TRIM44: variants seen among roughly 807,000 people sequenced by gnomAD.
TRIM44 encodes tripartite motif containing 44, also known as tripartite motif-containing protein 44.
In TRIM44, 13 loss-of-function variants were observed where a neutral mutation model predicts 37.4. The ratio of observed to expected loss-of-function variants is 0.35; its 90% CI spans 0.23 to 0.55. TRIM44 has a LOEUF of 0.55. TRIM44 is among the 20% of genes least tolerant of loss of function. The pLI, the probability that TRIM44 is intolerant of heterozygous loss-of-function variation, is 0.89. For missense variants in TRIM44, 426 were observed against 437.2 expected (o/e 0.97, Z 0.23); for synonymous variants, 175 against 157.2 (o/e 1.11, Z -0.85).
At chr11:35,773,725 G>A (rs912833316) in intron 4 of TRIM44, among the ~76,000 whole-genome samples, 1 of 152,052 alleles carries the variant, frequency 6.6e-6, no homozygotes, top group African/African-American at 2.4e-5. Flanking sequence ...TGCGGTGTTT[G>A]GTTTTCTGTC....
intron 4 of TRIM44, among the ~76,000 whole-genome samples, chr11:35,752,817 G>A (rs1446968267): frequency 6.6e-6 from 1 of 152,130 alleles, no homozygotes; most frequent in African/African-American, 2.4e-5. Flanking sequence ...CTTCATCCAG[G>A]TGTCTGCTGA....
At chr11:35,806,292 C>A in intron 4 of TRIM44, 66 bp from the exon 5 acceptor site, 1 of 1,564,710 alleles carries the variant, frequency 6.4e-7, no homozygotes, top group Non-Finnish European at 8.8e-7. Flanking sequence ...TGCTATCAAC[C>A]AGTAGACTAG....
chr11:35,688,186 T>C (rs1171750035), intron 2 of TRIM44, among the ~76,000 whole-genome samples: 1 of 152,236 alleles, frequency 6.6e-6, no homozygotes, highest in Non-Finnish European at 1.5e-5. Flanking sequence ...TGTCATTTCC[T>C]GGGCACAGAG....
At position 35,817,784 on chromosome 11, in the gene TRIM44, T is replaced by C. The variant is rs1348587501; in HGVS notation, c.*11399T>C. ...TCATGATTTAACAACATCCGCCCTT[T>C]GTTGTCATGATAGTGAGTTCTTGTG... On this transcript the variant is annotated 3_prime_UTR_variant, in exon 5 of 5. Transcript: ENST00000299413. The C allele has an allele frequency of 3.9e-5, 6 of 152,186 alleles. No homozygotes were observed. Among genetic ancestry groups the C allele is most frequent in the Non-Finnish European group, 5.9e-5 (4 of 68,036 alleles). The allele number at this position is 152,186 out of a possible 1,614,324, so 9.4% of individuals were successfully genotyped here.
At chr11:35,711,567 T>C (rs558555811) in intron 2 of TRIM44, among the ~76,000 whole-genome samples, 1 of 151,892 alleles carries the variant, frequency 6.6e-6, no homozygotes, top group South Asian at 2.1e-4. Flanking sequence ...GTTGAGTACA[T>C]TAAGGAGACC....
chr11:35,703,285 T>G (rs1404939313), intron 2 of TRIM44, among the ~76,000 whole-genome samples: 1 of 152,196 alleles, frequency 6.6e-6, no homozygotes, highest in Non-Finnish European at 1.5e-5. Context: ...CCACCACAGC[T>G]CAAGGAGGCC....
intron 4 of TRIM44, among the ~76,000 whole-genome samples, chr11:35,794,222 C>T (rs591101): frequency 0.57 from 87,191 of 152,002 alleles, 26,301 homozygotes; most frequent in South Asian, 0.72. Flanking sequence ...AGTATCCCCT[C>T]ACCTCTATCT....
intron 4 of TRIM44, among the ~76,000 whole-genome samples, chr11:35,784,037 C>T (rs1283727328): frequency 6.6e-6 from 1 of 152,120 alleles, no homozygotes; most frequent in Non-Finnish European, 1.5e-5. Flanking sequence ...AGACAGAGGC[C>T]TACTGGGGAG....
intron 2 of TRIM44, among the ~76,000 whole-genome samples, chr11:35,702,748 G>C (rs190747160): frequency 5.3e-5 from 8 of 152,304 alleles, no homozygotes; most frequent in African/African-American, 1.7e-4. Context: ...ATTAATAGAC[G>C]ATACAATAGT....
chr11:35,723,601 A>G (rs999711741), intron 2 of TRIM44, among the ~76,000 whole-genome samples: 3 of 152,202 alleles, frequency 2.0e-5, no homozygotes, highest in African/African-American at 7.2e-5. Context: ...ACCCTATGTA[A>G]TTAAAGCCAT....
chr11:35,699,275 C>T (rs1851748968), intron 2 of TRIM44, among the ~76,000 whole-genome samples: 1 of 152,066 alleles, frequency 6.6e-6, no homozygotes, highest in Admixed American at 6.6e-5. Flanking sequence ...GGCTTCATCC[C>T]TGGGATGCAA....
Position 35,806,584 on chromosome 11 carries a change from G to T in TRIM44, c.*199G>T. On this transcript the variant is annotated 3_prime_UTR_variant, in exon 5 of 5. Coordinates refer to ENST00000299413, the MANE Select transcript of TRIM44 (RefSeq NM_017583.6). ...CTTACTGTGTGCTTCTCATCCCCTG[G>T]TTGTGGTAGGTCAAGGAAAAGAGCC... 1 of 581,738 alleles carries T rather than the reference G, an allele frequency of 1.7e-6. No individual in the cohort carries two copies. 36.0% of individuals were successfully genotyped at this position (581,738 alleles called of 1,614,324 possible).
intron 3 of TRIM44, among the ~76,000 whole-genome samples, chr11:35,732,412 T>C (rs542948018): frequency 6.6e-6 from 1 of 152,338 alleles, no homozygotes; most frequent in East Asian, 1.9e-4. Flanking sequence ...TCACTTCTGA[T>C]ATTCTCTGAA....
At chr11:35,697,247 T>C (rs1851715925) in intron 2 of TRIM44, among the ~76,000 whole-genome samples, 2 of 125,714 alleles carry the variant, frequency 1.6e-5, no homozygotes, top group Non-Finnish European at 3.2e-5. Flanking sequence ...CGGTGTGTGA[T>C]GTTCCCCTTC....
intron 4 of TRIM44, among the ~76,000 whole-genome samples, chr11:35,739,247 A>T (rs1429956743): frequency 6.6e-6 from 1 of 152,190 alleles, no homozygotes; most frequent in Admixed American, 6.5e-5. Context: ...AAACCTCATG[A>T]TATAGTTATT....
rs529846900 is a variant in TRIM44 at position 35,677,337 on chromosome 11, C to A, written c.670-7922C>A. Among the ~76,000 whole-genome samples, 6 of 151,892 alleles carry A rather than the reference C, an allele frequency of 4.0e-5. No homozygotes were observed. In the South Asian group the frequency reaches 1.2e-3, roughly 32 times the overall value. On this transcript the variant is annotated intron_variant, in intron 1 of 4. Coordinates refer to ENST00000299413, the MANE Select transcript of TRIM44 (RefSeq NM_017583.6). ...AAGGCATTTAATAGATGAATACTTT[C>A]TGAATATCCTAAAACTATTTTCCCC... is the stretch of plus-strand genomic sequence containing the variant.
rs1174922294 is a variant in TRIM44, at chr11:35,806,449, A to AT, written c.*64_*65insT. On this transcript the variant is annotated 3_prime_UTR_variant, in exon 5 of 5. Coordinates refer to ENST00000299413, the MANE Select transcript of TRIM44 (RefSeq NM_017583.6). ...TGTGTGTATGTGACAGCGTGTATGTAACGGCTTCTGATTTCTGTGAAAGCT... is the reference window on the plus strand; with the variant it reads ...TGTGTGTATGTGACAGCGTGTATGTATACGGCTTCTGATTTCTGTGAAAGCT... 6.4e-7 allele frequency: 1 copy of AT among 1,565,658 alleles called. No individual in the cohort carries two copies. The highest frequency in any genetic ancestry group is 1.4e-5 in the African/African-American group (1 of 73,960).
intron 4 of TRIM44, among the ~76,000 whole-genome samples, chr11:35,765,811 T>TA (rs1395483944): frequency 7.9e-5 from 12 of 152,218 alleles, no homozygotes; most frequent in African/African-American, 2.7e-4. Context: ...GAACAAAATT[T>TA]AGTTTCTTTT....
chr11:35,769,776 G>A (rs1026512721), intron 4 of TRIM44, among the ~76,000 whole-genome samples: 10 of 152,158 alleles, frequency 6.6e-5, no homozygotes, highest in Non-Finnish European at 5.9e-5. Flanking sequence ...ATTGATGCTT[G>A]TTGAATTAAC....
Sources: gnomAD v4.1 joint callset for allele counts (sites outside exome capture counted in the v4.1 genomes callset) on GRCh38, gnomAD v4.1.1 for gene constraint, MANE v1.5 for transcripts, NCBI Gene and HGNC (gene_info 2026-07-23, HGNC 2026-07-21) for gene names.